Variants in VAMP4 observed in about 807,000 individuals in gnomAD.
VAMP4 encodes the protein vesicle associated membrane protein 4.
Under a neutral mutation model 23.5 loss-of-function variants are expected in VAMP4, and 19 were observed. That is an observed-to-expected ratio of 0.81 (90% CI 0.56 to 1.19). The LOEUF (loss-of-function observed/expected upper bound fraction) is 1.19, where lower values mean the gene tolerates loss of function less well. VAMP4 is among the 50% of genes most tolerant of loss of function. The pLI is 0.00. For missense variants in VAMP4, 145 were observed against 168.6 expected (o/e 0.86, Z 0.78); for synonymous variants, 31 against 51.0 (o/e 0.61, Z 1.67).
chr1:171,730,721 G>A (rs1204260263), intron 2 of VAMP4, among the ~76,000 whole-genome samples: 1 of 139,434 alleles, frequency 7.2e-6, no homozygotes, highest in Non-Finnish European at 1.5e-5. Flanking sequence ...TCTAAACTGT[G>A]GTTTAGATAT....
At chr1:171,718,370 C>G (rs1655085090) in intron 4 of VAMP4, among the ~76,000 whole-genome samples, 1 of 152,136 alleles carries the variant, frequency 6.6e-6, no homozygotes, top group Non-Finnish European at 1.5e-5. Context: ...GGTCTTGAAC[C>G]TGGGCCATGC....
chr1:171,715,703 C>A (rs535250963), intron 4 of VAMP4, among the ~76,000 whole-genome samples: 3 of 152,226 alleles, frequency 2.0e-5, no homozygotes, highest in Admixed American at 1.3e-4. Flanking sequence ...CAATACGCAC[C>A]CCTTATTTTA....
chr1:171,710,643 T>C lies in VAMP4; in HGVS notation c.265+71A>G, dbSNP rs111985892. On this transcript the variant is annotated intron_variant, in intron 5 of 7. Coordinates refer to ENST00000236192, the MANE Select transcript of VAMP4 (RefSeq NM_003762.5). The stretch of plus-strand genomic sequence containing the variant: ...TTCCTAAGCCAAGATTTGTAAACGT[T>C]GGCTAGACAAGTAGAAGACAAAAAC... 6.8e-4 allele frequency: 803 copies of C among 1,185,066 alleles called. 9 individuals carry two copies. The African/African-American group carries it at 0.011, about 16-fold the overall frequency. 73.4% of individuals were successfully genotyped at this position (1,185,066 alleles called of 1,614,324 possible). A position where few individuals can be genotyped will look rare whatever the true frequency, so the allele number is the denominator to read the frequency against.
intron 2 of VAMP4, among the ~76,000 whole-genome samples, chr1:171,736,312 A>G (rs969167385): frequency 6.6e-6 from 1 of 152,180 alleles, no homozygotes; most frequent in African/African-American, 2.4e-5. Context: ...GAGACCCTGG[A>G]TTATCCCTGA....
chr1:171,703,417 GTTTGTGTGTATATATATATATATATA>G lies in VAMP4; in HGVS notation c.*1063_*1088del, dbSNP rs1654522943. Reference sequence around the variant, plus strand: ...CGTGTGTGTGTGTGTGTGTGTGTGTGTTTGTGTGTATATATATATATATATATATATATATATATATATATATATAT... The same window carrying G: ...CGTGTGTGTGTGTGTGTGTGTGTGTGTATATATATATATATATATATATAT... On this transcript the variant is annotated 3_prime_UTR_variant, in exon 8 of 8. Transcript: ENST00000236192. The G allele has an allele frequency of 1.0e-5, 1 of 98,710 alleles. No individual in the cohort carries two copies. Among genetic ancestry groups the G allele is most frequent in the African/African-American group, 3.9e-5 (1 of 25,360 alleles). 6.1% of individuals were successfully genotyped at this position (98,710 alleles called of 1,614,324 possible).
At chr1:171,711,860 C>G (rs1654858155) in intron 4 of VAMP4, among the ~76,000 whole-genome samples, 2 of 152,138 alleles carry the variant, frequency 1.3e-5, no homozygotes. Context: ...TTTTACAACA[C>G]TGGTCCCATA....
chr1:171,735,786 T>G (rs1415233667), intron 2 of VAMP4, among the ~76,000 whole-genome samples: 2 of 152,228 alleles, frequency 1.3e-5, no homozygotes, highest in Non-Finnish European at 2.9e-5. Flanking sequence ...TACACTGGGT[T>G]CCTTTATAGG....
intron 2 of VAMP4, among the ~76,000 whole-genome samples, chr1:171,732,285 C>A (rs1055331859): frequency 6.6e-6 from 1 of 150,866 alleles, no homozygotes; most frequent in African/African-American, 2.4e-5. Context: ...CTTTGGGAGG[C>A]CAAAGTGGGG....
chr1:171,739,162 C>G (rs1210183522), intron 1 of VAMP4, among the ~76,000 whole-genome samples: 1 of 152,162 alleles, frequency 6.6e-6, no homozygotes, highest in African/African-American at 2.4e-5. Context: ...ACAGAAAAAC[C>G]TAGGCATGAT....
chr1:171,722,812 T>A (rs1271500743), intron 3 of VAMP4, among the ~76,000 whole-genome samples: 1 of 150,752 alleles, frequency 6.6e-6, no homozygotes, highest in Admixed American at 6.6e-5. Flanking sequence ...TTGATGGGAG[T>A]GTAAACTAGT....
At chr1:171,736,865 T>C (rs1388870170) in intron 2 of VAMP4, among the ~76,000 whole-genome samples, 1 of 152,144 alleles carries the variant, frequency 6.6e-6, no homozygotes, top group Admixed American at 6.6e-5. Flanking sequence ...TAGTCTTTGC[T>C]ACTCAGGAGG....
At position 171,701,603 on chromosome 1, in the gene VAMP4, C is replaced by G. The variant is rs1654435104; in HGVS notation, c.*2903G>C. Reference sequence around the variant, plus strand: ...GTGCTGAAGTTATAATTTCCTAATACAGACTATTGAAATGCACAGAAAGAC... The same window carrying G: ...GTGCTGAAGTTATAATTTCCTAATAGAGACTATTGAAATGCACAGAAAGAC... On this transcript the variant is annotated 3_prime_UTR_variant, in exon 8 of 8. Coordinates refer to ENST00000236192, the MANE Select transcript of VAMP4 (RefSeq NM_003762.5). 6.6e-6 allele frequency: 1 copy of G among 152,162 alleles called. No individual in the cohort carries two copies. 9.4% of individuals were successfully genotyped at this position (152,162 alleles called of 1,614,324 possible).
rs1388183891 is a variant in VAMP4 at position 171,700,495 on chromosome 1, TA to T, written c.*4010del. The T allele has an allele frequency of 1.3e-5, 2 of 152,276 alleles. No individual in the cohort carries two copies. Among genetic ancestry groups the T allele is most frequent in the African/African-American group, 4.8e-5 (2 of 41,480 alleles). 9.4% of individuals were successfully genotyped at this position (152,276 alleles called of 1,614,324 possible). On this transcript the variant is annotated 3_prime_UTR_variant, in exon 8 of 8. Coordinates refer to ENST00000236192, the MANE Select transcript of VAMP4 (RefSeq NM_003762.5). Reference sequence around the variant, plus strand: ...TAAAATCTCTGCTAATTATGTAATCTACTTTGTGGCTTTAAAATATTGGATA... The same window carrying T: ...TAAAATCTCTGCTAATTATGTAATCTCTTTGTGGCTTTAAAATATTGGATA...
At chr1:171,709,556 T>C (rs1354404912) in intron 6 of VAMP4, 109 bp downstream of exon 6, 3 of 943,238 alleles carry the variant, frequency 3.2e-6, no homozygotes, top group African/African-American at 3.3e-5. Context: ...AGGACAGTTA[T>C]AGGCCCTGTT....
In VAMP4 at chr1:171,703,419, T is replaced by TGTGTGTG. The variant is rs1553258233; in HGVS notation, c.*1086_*1087insCACACAC. On this transcript the variant is annotated 3_prime_UTR_variant, in exon 8 of 8. Transcript: ENST00000236192. Reference sequence around the variant, plus strand: ...TGTGTGTGTGTGTGTGTGTGTGTGTTTGTGTGTATATATATATATATATAT... The same window carrying TGTGTGTG: ...TGTGTGTGTGTGTGTGTGTGTGTGTTGTGTGTGTGTGTGTATATATATATATATATAT... The TGTGTGTG allele has an allele frequency of 5.5e-4, 48 of 87,934 alleles. 2 individuals are homozygous for TGTGTGTG. The highest frequency in any genetic ancestry group is 1.1e-3 in the Admixed American group (8 of 7,618). 5.4% of individuals were successfully genotyped at this position (87,934 alleles called of 1,614,324 possible).
chr1:171,723,317 C>G (rs1655260689), intron 3 of VAMP4, among the ~76,000 whole-genome samples: 1 of 152,164 alleles, frequency 6.6e-6, no homozygotes, highest in Non-Finnish European at 1.5e-5. Flanking sequence ...GAGCAGACAA[C>G]TGGTCTGACT....
intron 3 of VAMP4, 76 bp downstream of exon 3, chr1:171,728,448 G>A (rs1313884498): frequency 1.6e-6 from 2 of 1,222,926 alleles, no homozygotes; most frequent in Middle Eastern, 2.9e-4. Flanking sequence ...CTGTCAAAAT[G>A]TATACAGTAT....
At position 171,701,785 on chromosome 1, in the gene VAMP4, G is replaced by C. The variant is rs1483156088; in HGVS notation, c.*2721C>G. 1 of 152,096 alleles carries C rather than the reference G, an allele frequency of 6.6e-6. No homozygotes were observed. The highest frequency in any genetic ancestry group is 1.9e-4 in the East Asian group (1 of 5,196). 9.4% of individuals were successfully genotyped at this position (152,096 alleles called of 1,614,324 possible). ...TTATAAAATCTGAGGGCAATTTCCA[G>C]TGAACTTTGTCAGGATAGAGGAACC... On this transcript the variant is annotated 3_prime_UTR_variant, in exon 8 of 8. Transcript: ENST00000236192.
At chr1:171,722,809 G>A (rs898252255) in intron 3 of VAMP4, among the ~76,000 whole-genome samples, 2 of 151,596 alleles carry the variant, frequency 1.3e-5, no homozygotes, top group African/African-American at 2.4e-5. Flanking sequence ...CTGTTGATGG[G>A]AGTGTAAACT....
Sources: allele counts gnomAD v4.1 joint callset (sites outside exome capture counted in the v4.1 genomes callset), GRCh38; gene constraint gnomAD v4.1.1; transcripts MANE v1.5; gene names NCBI Gene and HGNC (gene_info 2026-07-23, HGNC 2026-07-21).